TNFSF4: variants seen among roughly 807,000 people sequenced by gnomAD.
TNFSF4 encodes tumor necrosis factor ligand superfamily member 4.
Under a neutral mutation model 7.3 loss-of-function variants are expected in TNFSF4, and 4 were observed. That is an observed-to-expected ratio of 0.55 (90% CI 0.27 to 1.25). The LOEUF (loss-of-function observed/expected upper bound fraction) is 1.25. Among genes scored for constraint, TNFSF4 ranks in the 50% most tolerant of loss-of-function variants. The pLI is 0.12. For synonymous variants in TNFSF4, 76 were observed against 83.7 expected, an observed-to-expected ratio of 0.91 and a Z score of 0.50; for missense variants, 181 against 208.8, an observed-to-expected ratio of 0.87 and a Z score of 0.82.
chr1:173,422,875 C>T, the TNFSF4 span, among the ~76,000 whole-genome samples: 1 of 152,110 alleles, frequency 6.6e-6, no homozygotes, highest in African/African-American at 2.4e-5. Context: ...CGGTGGACAC[C>T]ACCAGATGAG....
At chr1:173,416,616 A>T in the TNFSF4 span, among the ~76,000 whole-genome samples, 7 of 54,922 alleles carry the variant, frequency 1.3e-4, no homozygotes, top group East Asian at 4.1e-3. Flanking sequence ...ATTTTTATTT[A>T]TTTATTTATT....
At chr1:173,396,087 T>C in the TNFSF4 span, among the ~76,000 whole-genome samples, 1 of 152,162 alleles carries the variant, frequency 6.6e-6, no homozygotes, top group Non-Finnish European at 1.5e-5. Flanking sequence ...ACTACATTTG[T>C]CCCAGTATGC....
At chr1:173,247,030 T>A in the TNFSF4 span, among the ~76,000 whole-genome samples, 1 of 152,332 alleles carries the variant, frequency 6.6e-6, no homozygotes, top group Non-Finnish European at 1.5e-5. Flanking sequence ...GCCTTAAATA[T>A]TGTCTCCTCT....
At chr1:173,325,829 C>A in the TNFSF4 span, among the ~76,000 whole-genome samples, 4 of 152,188 alleles carry the variant, frequency 2.6e-5, no homozygotes, top group Non-Finnish European at 5.9e-5. Context: ...GAAGTTGAAT[C>A]TCTGAATAGA....
the TNFSF4 span, among the ~76,000 whole-genome samples, chr1:173,227,335 A>G: frequency 6.6e-6 from 1 of 152,136 alleles, no homozygotes; most frequent in Non-Finnish European, 1.5e-5. Context: ...GTGTTTACTT[A>G]TATTTGATTA....
At chr1:173,402,853 A>ATT in the TNFSF4 span, among the ~76,000 whole-genome samples, 668 of 144,890 alleles carry the variant, frequency 4.6e-3, 8 homozygotes, top group African/African-American at 0.014. Context: ...GAGAATTTGC[A>ATT]TTTTTTTTTT....
the TNFSF4 span, among the ~76,000 whole-genome samples, chr1:173,320,810 G>T: frequency 3.0e-4 from 45 of 152,264 alleles, no homozygotes; most frequent in East Asian, 7.7e-3. Context: ...ACAAATCAAT[G>T]CTCAAGGAAA....
At chr1:173,366,094 G>A in the TNFSF4 span, among the ~76,000 whole-genome samples, 4 of 152,188 alleles carry the variant, frequency 2.6e-5, no homozygotes, top group South Asian at 8.3e-4. Flanking sequence ...TAAAAATAGA[G>A]GTACCATGTG....
the TNFSF4 span, among the ~76,000 whole-genome samples, chr1:173,354,885 G>A: frequency 6.6e-6 from 1 of 152,180 alleles, no homozygotes; most frequent in Non-Finnish European, 1.5e-5. Context: ...CTGATTCACT[G>A]TATTAGCTTC....
the TNFSF4 span, among the ~76,000 whole-genome samples, chr1:173,244,965 C>A: frequency 2.0e-5 from 3 of 151,754 alleles, no homozygotes; most frequent in African/African-American, 4.8e-5. Context: ...AAACCTGATG[C>A]GATCTTAATT....
At chr1:173,379,946 T>A in the TNFSF4 span, among the ~76,000 whole-genome samples, 3 of 152,186 alleles carry the variant, frequency 2.0e-5, no homozygotes, top group Non-Finnish European at 4.4e-5. Flanking sequence ...AACCAGATGA[T>A]CCAACAACAG....
At chr1:173,248,015 T>C in the TNFSF4 span, among the ~76,000 whole-genome samples, 3 of 152,190 alleles carry the variant, frequency 2.0e-5, no homozygotes, top group Admixed American at 6.5e-5. Flanking sequence ...TTTAAGCTGA[T>C]GAACAGGACT....
chr1:173,254,407 C>G, the TNFSF4 span, among the ~76,000 whole-genome samples: 2 of 151,468 alleles, frequency 1.3e-5, no homozygotes, highest in Admixed American at 1.3e-4. Flanking sequence ...CTTTTTTTTT[C>G]TAAGAGTTAA....
chr1:173,411,727 A>C, the TNFSF4 span, among the ~76,000 whole-genome samples: 1 of 152,112 alleles, frequency 6.6e-6, no homozygotes. Context: ...ACTTGAACCC[A>C]GGAGGCAGAG....
chr1:173,217,087 T>G, the TNFSF4 span, among the ~76,000 whole-genome samples: 2 of 152,142 alleles, frequency 1.3e-5, no homozygotes, highest in African/African-American at 4.8e-5. Context: ...CGGACTCAGT[T>G]TGGGGAAGAA....
At chr1:173,179,672 C>A (rs975235177), downstream of TNFSF4, among the ~76,000 whole-genome samples, 1 of 152,102 alleles carries the variant, frequency 6.6e-6, no homozygotes, top group Non-Finnish European at 1.5e-5. Flanking sequence ...CATTCTTCTT[C>A]TAGTTGAGTC....
intron 1 of TNFSF4, among the ~76,000 whole-genome samples, chr1:173,189,974 C>G (rs925494859): frequency 6.6e-6 from 1 of 151,148 alleles, no homozygotes; most frequent in Middle Eastern, 3.2e-3. Context: ...CTTTGGGAGG[C>G]TGAGGCAGGC....
chr1:173,291,028 G>T, the TNFSF4 span, among the ~76,000 whole-genome samples: 1 of 152,122 alleles, frequency 6.6e-6, no homozygotes. Flanking sequence ...TTCATGCATT[G>T]CTATAAAGAA....
the TNFSF4 span, among the ~76,000 whole-genome samples, chr1:173,259,323 CA>C: frequency 7.8e-6 from 1 of 127,748 alleles, no homozygotes; most frequent in South Asian, 2.5e-4. Flanking sequence ...AAAAAGACCC[CA>C]AAAAAACCCC....
Sources: allele counts gnomAD v4.1 joint callset (sites outside exome capture counted in the v4.1 genomes callset), GRCh38; gene constraint gnomAD v4.1.1; transcripts MANE v1.5; gene names NCBI Gene and HGNC (gene_info 2026-07-23, HGNC 2026-07-21).